COL4A2: variants seen among roughly 807,000 people sequenced by gnomAD.
COL4A2 encodes the protein collagen type IV alpha 2 chain.
A neutral mutation model predicts 200.2 loss-of-function variants in COL4A2; 99 were observed. That is an observed-to-expected ratio of 0.49 (90% confidence interval 0.42 to 0.58). COL4A2 has a LOEUF of 0.58. Ranked by LOEUF, COL4A2 falls within the 20% of genes least tolerant of loss-of-function variation. COL4A2 has a pLI of 0.00. For missense variants in COL4A2, 1,950 were observed against 2,314.1 expected, an observed-to-expected ratio of 0.84 and a Z score of 3.23; for synonymous variants, 897 against 900.6, an observed-to-expected ratio of 1.00 and a Z score of 0.07.
intron 39 of COL4A2, among the ~76,000 whole-genome samples, chr13:110,494,421 G>T (rs1883385260): frequency 6.6e-6 from 1 of 152,074 alleles, no homozygotes; most frequent in African/African-American, 2.4e-5. Context: ...ATTTAATTTT[G>T]AAATCTATTA....
At chr13:110,509,270 T>TACACACACACACACAC (rs60333796) in intron 47 of COL4A2, among the ~76,000 whole-genome samples, 88 of 115,574 alleles carry the variant, frequency 7.6e-4, no homozygotes, top group African/African-American at 2.9e-3. Flanking sequence ...TATATATATA[T>TACACACACACACACAC]ACACACACAC....
intron 4 of COL4A2, among the ~76,000 whole-genome samples, chr13:110,387,701 G>T (rs1042684480): frequency 6.6e-6 from 1 of 152,228 alleles, no homozygotes; most frequent in Non-Finnish European, 1.5e-5. Flanking sequence ...CCGGAGACTC[G>T]GAGGCAGGCA....
chr13:110,462,141 G>T lies in COL4A2; in HGVS notation c.1624G>T (p.Gly542Ter), dbSNP rs534644575. 2 of 1,614,222 alleles carry T rather than the reference G, an allele frequency of 1.2e-6. No homozygotes were observed. Among genetic ancestry groups the T allele is most frequent in the African/African-American group, 1.3e-5 (1 of 75,050 alleles). ...AGTGCCTGGCAACATTGGTGCTCCC[G>T]GACCCAAAGGAGCAAAAGGAGATTC... ...KGVPGNIGAPGPKGAKGDSRT... is the reference protein window; with the variant it reads ...KGVPGNIGAP Residue 542 changes from glycine to a stop codon, truncating the protein, a stop_gained, in exon 23 of 48, where the codon GGA (glycine) becomes TGA (stop). Transcript: ENST00000360467. LOFTEE classifies it high-confidence loss of function.
chr13:110,307,768 C>T lies in COL4A2; in HGVS notation c.-44-92C>T. The stretch of plus-strand genomic sequence containing the variant: ...ACCCCTGCATGCGGGCCGCGCACCG[C>T]GCTGTCCCCGCGTCTCGCGGACCGA... On this transcript the variant is annotated intron_variant, in intron 1 of 47. Transcript: ENST00000360467. The surrounding 1 kb of genome is among the most constrained non-coding windows in gnomAD (Gnocchi z 5.0). 4 of 1,237,346 alleles carry T rather than the reference C, an allele frequency of 3.2e-6. No individual in the cohort carries two copies. Among genetic ancestry groups the T allele is most frequent in the Non-Finnish European group, 4.4e-6 (4 of 901,894 alleles). 76.6% of individuals were successfully genotyped at this position (1,237,346 alleles called of 1,614,324 possible). A position where few individuals can be genotyped will look rare whatever the true frequency, so the allele number is the denominator to read the frequency against.
chr13:110,352,816 G>T (rs1034630304), intron 3 of COL4A2, among the ~76,000 whole-genome samples: 3 of 152,162 alleles, frequency 2.0e-5, no homozygotes, highest in African/African-American at 7.2e-5. Context: ...AACTGGTCCC[G>T]CCAGGCCTTG....
At chr13:110,350,247 C>T (rs996266384) in intron 3 of COL4A2, among the ~76,000 whole-genome samples, 1 of 152,250 alleles carries the variant, frequency 6.6e-6, no homozygotes, top group African/African-American at 2.4e-5. Flanking sequence ...GAAAACACAT[C>T]TTATGCCTTT....
chr13:110,391,015 A>G (rs1209492708), intron 4 of COL4A2, among the ~76,000 whole-genome samples: 5 of 152,238 alleles, frequency 3.3e-5, no homozygotes, highest in Admixed American at 1.3e-4. Context: ...TTACGAATTC[A>G]TCAACTTAAG....
intron 28 of COL4A2, among the ~76,000 whole-genome samples, chr13:110,469,723 A>G (rs1882390934): frequency 6.6e-6 from 1 of 152,144 alleles, no homozygotes; most frequent in Admixed American, 6.5e-5. Context: ...AGCTTAAGGC[A>G]TTAATCTGTA....
chr13:110,346,362 G>T lies in COL4A2; in HGVS notation c.100-11110G>T, dbSNP rs548744918. 2.0e-5 allele frequency among the ~76,000 whole-genome samples: 3 copies of T among 152,242 alleles called. No individual in the cohort carries two copies. In the East Asian group the frequency reaches 5.8e-4, roughly 29 times the overall value. ...CTAAATTGCAATGAAAATCTTCAGC[G>T]GTCTTAGCCGTTGATCCCGTGGTCA... On this transcript the variant is annotated intron_variant, in intron 3 of 47. Coordinates refer to ENST00000360467, the MANE Select transcript of COL4A2 (RefSeq NM_001846.4).
chr13:110,490,867 T>C (rs1883262805), intron 36 of COL4A2, among the ~76,000 whole-genome samples: 1 of 152,236 alleles, frequency 6.6e-6, no homozygotes, highest in Admixed American at 6.5e-5. Context: ...TTTGTTAAAC[T>C]CTGGGCCCAG....
At chr13:110,309,495 A>G (rs6492261) in intron 3 of COL4A2, among the ~76,000 whole-genome samples, 35,278 of 152,160 alleles carry the variant, frequency 0.23, 4,308 homozygotes, top group Non-Finnish European at 0.28. Flanking sequence ...CGCACACTCA[A>G]AGAAGGGGGC....
rs540654571 is a variant in COL4A2 at position 110,495,354 on chromosome 13, A to G, written c.3647A>G (p.His1216Arg). The G allele has an allele frequency of 6.2e-7, 1 of 1,614,082 alleles. No homozygotes were observed. Among genetic ancestry groups the G allele is most frequent in the Admixed American group, 1.7e-5 (1 of 60,016 alleles). Residue 1216 changes from histidine to arginine, a missense_variant, in exon 40 of 48, where the codon CAC (histidine) becomes CGC (arginine). His to Arg is a conservative substitution (Grantham distance 29). This residue lies in a region of COL4A2 where 1,385 missense variants were observed against 1,720.5 expected (regional missense o/e 0.80). Coordinates refer to ENST00000360467, the MANE Select transcript of COL4A2 (RefSeq NM_001846.4). Reference sequence around the variant, plus strand: ...AACTCTTCCACAGGTTCTGACATCCACGGAGACCCAGGCTTCCCAGGCCCT... The same window carrying G: ...AACTCTTCCACAGGTTCTGACATCCGCGGAGACCCAGGCTTCCCAGGCCCT... ...GFPGSPGSDI[H>R]GDPGFPGPPG...
intron 3 of COL4A2, among the ~76,000 whole-genome samples, chr13:110,346,969 G>A (rs976677586): frequency 3.3e-5 from 5 of 152,220 alleles, no homozygotes; most frequent in Admixed American, 2.0e-4. Context: ...TGCCAAGTGC[G>A]AACACCTGGG....
At chr13:110,472,279 C>T (rs1385342834) in intron 28 of COL4A2, among the ~76,000 whole-genome samples, 2 of 151,992 alleles carry the variant, frequency 1.3e-5, no homozygotes, top group Non-Finnish European at 2.9e-5. Context: ...CCACACCTGG[C>T]TAATTTTTTG....
rs979034979 is a variant in COL4A2 at position 110,309,218 on chromosome 13, T to C, written c.99+1095T>C. 2.0e-5 allele frequency among the ~76,000 whole-genome samples: 3 copies of C among 152,262 alleles called. No individual in the cohort carries two copies. The South Asian group carries it at 6.2e-4, about 31-fold the overall frequency. ...CTACTCCCACTTGGGGAAGAGCTGC[T>C]AACTTTACTTTTCCGCTGCTGTTGG... On this transcript the variant is annotated intron_variant, in intron 3 of 47. Transcript: ENST00000360467.
At chr13:110,385,546 T>C (rs61963191) in intron 4 of COL4A2, among the ~76,000 whole-genome samples, 9,490 of 42,174 alleles carry the variant, frequency 0.23, 2,578 homozygotes, top group Admixed American at 0.27. Flanking sequence ...TAGGCCGTGG[T>C]TGCAGTGTGT....
At chr13:110,368,993 G>A (rs1877882826) in intron 4 of COL4A2, among the ~76,000 whole-genome samples, 1 of 152,264 alleles carries the variant, frequency 6.6e-6, no homozygotes, top group Non-Finnish European at 1.5e-5. Flanking sequence ...CGGATCACGA[G>A]GTCAAGAGAT....
chr13:110,427,639 C>T (rs28544378), intron 6 of COL4A2, among the ~76,000 whole-genome samples: 8,856 of 152,200 alleles, frequency 0.058, 874 homozygotes, highest in African/African-American at 0.2. Context: ...GCAAAACAGG[C>T]TGTGGCCAGG....
At position 110,507,966 on chromosome 13, in the gene COL4A2, C is replaced by A; in HGVS notation, c.4626C>A (p.Ser1542Arg). 6.2e-7 allele frequency: 1 copy of A among 1,614,134 alleles called. No homozygotes were observed. Among genetic ancestry groups the A allele is most frequent in the Non-Finnish European group, 8.5e-7 (1 of 1,180,034 alleles). Residue 1542 changes from serine (S) to arginine (R), a missense_variant, in exon 47 of 48, where the codon AGC becomes AGA. Transcript: ENST00000360467. ...CGGGCTCCTGCCTGGCGCGGTTCAG[C>A]ACCATGCCCTTCCTGTACTGCAACC... ...GLAGSCLARF[S>R]TMPFLYCNPG...
Sources: allele counts gnomAD v4.1 joint callset (sites outside exome capture counted in the v4.1 genomes callset), GRCh38; gene constraint gnomAD v4.1.1; regional missense constraint gnomAD v4.1.1; non-coding constraint Gnocchi (gnomAD v3.1); transcripts MANE v1.5; gene names NCBI Gene and HGNC (gene_info 2026-07-23, HGNC 2026-07-21).